The following PTPRD variants were observed in gnomAD, a reference collection of about 807,000 sequenced individuals.
PTPRD encodes protein tyrosine phosphatase receptor type D.
PTPRD carries 34 observed loss-of-function variants against 214.5 expected under a neutral mutation model. That is an observed-to-expected ratio of 0.16 (90% confidence interval 0.12 to 0.21). PTPRD has a LOEUF of 0.21. PTPRD is among the 10% of genes least tolerant of loss of function. The probability of loss-of-function intolerance (pLI) is 1.00; values close to 1 mark genes in which losing one functional copy is unlikely to be tolerated. For missense variants in PTPRD, 2,545 were observed against 2,398.7 expected (o/e 1.06, Z -1.27); for synonymous variants, 1,128 against 845.7 (o/e 1.33, Z -5.79).
chr9:10,070,690 C>CA (rs2097990167), intron 3 of PTPRD, among the ~76,000 whole-genome samples: 1 of 151,810 alleles, frequency 6.6e-6, no homozygotes, highest in African/African-American at 2.4e-5. Context: ...TAGGATTTTT[C>CA]AAAAAATTAT....
chr9:9,926,479 A>AT (rs961630696), intron 5 of PTPRD, among the ~76,000 whole-genome samples: 5 of 152,118 alleles, frequency 3.3e-5, no homozygotes, highest in South Asian at 2.1e-4. Context: ...GGAACGATGT[A>AT]TTTTTTTCAG....
At chr9:8,936,893 T>A (rs1270003485) in intron 11 of PTPRD, among the ~76,000 whole-genome samples, 1 of 152,146 alleles carries the variant, frequency 6.6e-6, no homozygotes, top group Non-Finnish European at 1.5e-5. Context: ...AATAGAAAAA[T>A]AATAATATTA....
intron 3 of PTPRD, among the ~76,000 whole-genome samples, chr9:10,155,029 T>C (rs982169756): frequency 6.6e-6 from 1 of 151,990 alleles, no homozygotes; most frequent in Non-Finnish European, 1.5e-5. Flanking sequence ...CTTTGAATTG[T>C]TTTGGGAAGT....
intron 2 of PTPRD, among the ~76,000 whole-genome samples, chr9:10,485,898 T>G (rs971613699): frequency 8.6e-5 from 13 of 152,026 alleles, no homozygotes; most frequent in African/African-American, 3.1e-4. Flanking sequence ...CTAATAATCC[T>G]TTGAATTTCT....
chr9:9,111,856 TC>T (rs1347459066), intron 10 of PTPRD, among the ~76,000 whole-genome samples: 5 of 152,136 alleles, frequency 3.3e-5, no homozygotes, highest in African/African-American at 1.2e-4. Context: ...TTTCTCTATT[TC>T]CACTGCATGA....
chr9:8,717,529 A>G (rs1233902570), intron 12 of PTPRD, among the ~76,000 whole-genome samples: 1 of 152,170 alleles, frequency 6.6e-6, no homozygotes, highest in Non-Finnish European at 1.5e-5. Flanking sequence ...TCCTCCACAT[A>G]GCTGCCAGTG....
intron 2 of PTPRD, among the ~76,000 whole-genome samples, chr9:10,578,860 G>GTGTTT (rs767175757): frequency 3.6e-4 from 54 of 152,022 alleles, no homozygotes; most frequent in African/African-American, 6.5e-4. Flanking sequence ...CCCAATAGTC[G>GTGTTT]TGTTTTGTTT....
chr9:8,624,611 G>A (rs2095950634), intron 14 of PTPRD, among the ~76,000 whole-genome samples: 1 of 151,774 alleles, frequency 6.6e-6, no homozygotes, highest in Non-Finnish European at 1.5e-5. Context: ...TAGTTACTCT[G>A]CCAGATGATT....
chr9:9,811,948 C>A (rs1291133475), intron 5 of PTPRD, among the ~76,000 whole-genome samples: 3 of 152,080 alleles, frequency 2.0e-5, no homozygotes, highest in Admixed American at 6.6e-5. Context: ...ATCAACGTGG[C>A]AAACTTTACT....
At chr9:10,178,294 T>C (rs1309740582) in intron 3 of PTPRD, among the ~76,000 whole-genome samples, 1 of 151,926 alleles carries the variant, frequency 6.6e-6, no homozygotes, top group East Asian at 1.9e-4. Flanking sequence ...GGATATTGTT[T>C]CTTTCCACCT....
chr9:9,107,209 G>A (rs2154446301), intron 10 of PTPRD, among the ~76,000 whole-genome samples: 1 of 152,198 alleles, frequency 6.6e-6, no homozygotes, highest in South Asian at 2.1e-4. Flanking sequence ...GAGGCCAAAA[G>A]CCAGACTTTG....
At chr9:8,727,803 C>G (rs964203613) in intron 12 of PTPRD, among the ~76,000 whole-genome samples, 5 of 152,158 alleles carry the variant, frequency 3.3e-5, no homozygotes, top group African/African-American at 1.2e-4. Flanking sequence ...CAGATATGTG[C>G]CACCACAACT....
At chr9:9,659,093 T>TA (rs2096575072) in intron 7 of PTPRD, among the ~76,000 whole-genome samples, 1 of 152,138 alleles carries the variant, frequency 6.6e-6, no homozygotes, top group Non-Finnish European at 1.5e-5. Flanking sequence ...ACAGGATACA[T>TA]AAAAACAGTT....
chr9:8,662,724 C>G (rs1277830039), intron 12 of PTPRD, among the ~76,000 whole-genome samples: 2 of 152,144 alleles, frequency 1.3e-5, no homozygotes, highest in African/African-American at 4.8e-5. Flanking sequence ...TATCTGGACC[C>G]TGTAAGCATC....
At chr9:8,564,371 A>G (rs1481329876) in intron 14 of PTPRD, among the ~76,000 whole-genome samples, 1 of 152,146 alleles carries the variant, frequency 6.6e-6, no homozygotes, top group East Asian at 1.9e-4. Flanking sequence ...CACACATACT[A>G]TCAGGCGTGT....
chr9:10,333,880 C>G (rs1397477137), intron 3 of PTPRD, among the ~76,000 whole-genome samples: 1 of 151,748 alleles, frequency 6.6e-6, no homozygotes, highest in African/African-American at 2.4e-5. Context: ...AATATTTGAA[C>G]TAATAAATTA....
chr9:9,550,006 C>T (rs1474461088), intron 8 of PTPRD, among the ~76,000 whole-genome samples: 1 of 151,888 alleles, frequency 6.6e-6, no homozygotes, highest in African/African-American at 2.4e-5. Context: ...CTGTAGTGAC[C>T]AGTTGTTTGG....
chr9:9,364,332 G>C (rs907189970), intron 9 of PTPRD, among the ~76,000 whole-genome samples: 1 of 151,504 alleles, frequency 6.6e-6, no homozygotes, highest in Non-Finnish European at 1.5e-5. Context: ...ATTTTCCCCC[G>C]AAGTGCTTAC....
At chr9:9,646,994 G>C (rs1392073862) in intron 7 of PTPRD, among the ~76,000 whole-genome samples, 1 of 152,074 alleles carries the variant, frequency 6.6e-6, no homozygotes, top group Non-Finnish European at 1.5e-5. Context: ...TACTGTTGTG[G>C]ACATTTATAC....
Sources: allele counts gnomAD v4.1 joint callset (sites outside exome capture counted in the v4.1 genomes callset), GRCh38; gene constraint gnomAD v4.1.1; transcripts MANE v1.5; gene names NCBI Gene and HGNC (gene_info 2026-07-23, HGNC 2026-07-21).